GABRA4: variants seen among roughly 807,000 people sequenced by gnomAD.
GABRA4 encodes gamma-aminobutyric acid type A receptor subunit alpha4.
GABRA4 carries 12 observed loss-of-function variants against 49.7 expected under a neutral mutation model. That is an observed-to-expected ratio of 0.24 (90% CI 0.15 to 0.39). GABRA4 has a LOEUF of 0.39. GABRA4 is among the 10% of genes least tolerant of loss of function. The pLI, the probability that GABRA4 is intolerant of heterozygous loss-of-function variation, is 1.00. For missense variants in GABRA4, 506 were observed against 686.0 expected (o/e 0.74, Z 2.93); for synonymous variants, 288 against 240.2 (o/e 1.20, Z -1.84).
chr4:46,985,109 T>C (rs763592752), intron 2 of GABRA4, among the ~76,000 whole-genome samples: 1 of 152,020 alleles, frequency 6.6e-6, no homozygotes, highest in African/African-American at 2.4e-5. Flanking sequence ...TATTGCAATA[T>C]GCAACAATAA....
At chr4:46,933,298 A>G (rs1477966201) in intron 8 of GABRA4, among the ~76,000 whole-genome samples, 1 of 152,172 alleles carries the variant, frequency 6.6e-6, no homozygotes, top group Non-Finnish European at 1.5e-5. Flanking sequence ...CCTTTTTCAA[A>G]TTAGAAAGTG....
At chr4:46,971,646 CA>C (rs1722950819) in intron 6 of GABRA4, among the ~76,000 whole-genome samples, 1 of 151,026 alleles carries the variant, frequency 6.6e-6, no homozygotes, top group Admixed American at 6.6e-5. Context: ...CAGACACTGA[CA>C]CATACACACA....
At chr4:46,950,112 G>A (rs993509026) in intron 8 of GABRA4, among the ~76,000 whole-genome samples, 1 of 152,124 alleles carries the variant, frequency 6.6e-6, no homozygotes, top group Non-Finnish European at 1.5e-5. Context: ...TAAGGCTTTA[G>A]CACAGTGGGT....
rs1020443233 is a variant in GABRA4, at chr4:46,926,383, C to T, written c.*1842G>A. ...TTGGGGGGTTGGGACTGGGTGATTT[C>T]GACAGTATCTTTCAGCCTTAAAATG... On this transcript the variant is annotated 3_prime_UTR_variant, in exon 9 of 9. Coordinates refer to ENST00000264318, the MANE Select transcript of GABRA4 (RefSeq NM_000809.4). The T allele has an allele frequency of 3.3e-5, 5 of 151,698 alleles. No homozygotes were observed. Among genetic ancestry groups the T allele is most frequent in the African/African-American group, 1.2e-4 (5 of 41,330 alleles). 9.4% of individuals were successfully genotyped at this position (151,698 alleles called of 1,614,324 possible). A position where few individuals can be genotyped will look rare whatever the true frequency, so the allele number is the denominator to read the frequency against.
intron 8 of GABRA4, among the ~76,000 whole-genome samples, chr4:46,948,442 G>A (rs1722056578): frequency 6.6e-6 from 1 of 152,126 alleles, no homozygotes; most frequent in Non-Finnish European, 1.5e-5. Flanking sequence ...TAGTAAAACA[G>A]AAGCAAATTA....
At chr4:46,962,850 G>A (rs112280987) in intron 8 of GABRA4, among the ~76,000 whole-genome samples, 1 of 151,708 alleles carries the variant, frequency 6.6e-6, no homozygotes, top group South Asian at 2.1e-4. Flanking sequence ...AGAATATACA[G>A]CTGGAAAAAG....
intron 5 of GABRA4, among the ~76,000 whole-genome samples, chr4:46,975,729 C>A (rs540881935): frequency 3.3e-5 from 5 of 151,798 alleles, no homozygotes; most frequent in African/African-American, 1.2e-4. Flanking sequence ...GGTTGGGATG[C>A]GGGGAGTGAA....
In GABRA4 at chr4:46,924,454, C is replaced by T. The variant is rs193210299; in HGVS notation, c.*3771G>A. ...CTATGCATCTATCATCTCTTCCGGACTGTGACTACCTGCAAGGAAAGGGGC... is the reference window on the plus strand; with the variant it reads ...CTATGCATCTATCATCTCTTCCGGATTGTGACTACCTGCAAGGAAAGGGGC... On this transcript the variant is annotated 3_prime_UTR_variant, in exon 9 of 9. Coordinates refer to ENST00000264318, the MANE Select transcript of GABRA4 (RefSeq NM_000809.4). The T allele has an allele frequency of 6.7e-4, 102 of 152,070 alleles. 1 individual carries two copies. Among genetic ancestry groups the T allele is most frequent in the African/African-American group, 2.3e-3 (95 of 41,524 alleles). The allele number at this position is 152,070 out of a possible 1,614,324, so 9.4% of individuals were successfully genotyped here.
At chr4:46,971,824 G>A (rs893354585) in intron 6 of GABRA4, among the ~76,000 whole-genome samples, 2 of 150,500 alleles carry the variant, frequency 1.3e-5, no homozygotes, top group Non-Finnish European at 3.0e-5. Context: ...TTCTTTATAT[G>A]AAGAAAAATA....
intron 8 of GABRA4, among the ~76,000 whole-genome samples, chr4:46,961,256 G>A (rs1722563353): frequency 6.6e-6 from 1 of 151,818 alleles, no homozygotes; most frequent in African/African-American, 2.4e-5. Context: ...ATAAATTGCA[G>A]GACCCTGACC....
chr4:46,948,561 T>C (rs567052355), intron 8 of GABRA4, among the ~76,000 whole-genome samples: 16 of 152,168 alleles, frequency 1.1e-4, no homozygotes, highest in Admixed American at 5.9e-4. Context: ...TAGCTATTTC[T>C]GAGATGAACA....
rs549886476 is a variant in GABRA4, at chr4:46,979,013, A to C, written c.273+18T>G. ...TCTTCAAGTCTCAAAAGGTACATTA[A>C]ACTTCGAAAATACCTACCATTTCAA... On this transcript the variant is annotated intron_variant, in intron 3 of 8. Coordinates refer to ENST00000264318, the MANE Select transcript of GABRA4 (RefSeq NM_000809.4). 1.3e-6 allele frequency: 2 copies of C among 1,564,856 alleles called. No individual in the cohort carries two copies. Among genetic ancestry groups the C allele is most frequent in the South Asian group, 1.1e-5 (1 of 89,322 alleles).
chr4:46,977,295 A>AGGGAGGGAGGAC, intron 4 of GABRA4, 115 bp downstream of exon 4: 1 of 401,926 alleles, frequency 2.5e-6, no homozygotes, highest in Non-Finnish European at 4.5e-6. Context: ...GGAGGGAGGA[A>AGGGAGGGAGGAC]GGGAGGGAGG....
chr4:46,978,437 C>T (rs1217556609), intron 3 of GABRA4, among the ~76,000 whole-genome samples: 1 of 151,640 alleles, frequency 6.6e-6, no homozygotes, highest in African/African-American at 2.4e-5. Context: ...CCTGTAATCC[C>T]AGCAATTTGG....
intron 2 of GABRA4, among the ~76,000 whole-genome samples, chr4:46,982,434 A>G (rs973340262): frequency 1.3e-4 from 20 of 152,016 alleles, no homozygotes; most frequent in African/African-American, 4.6e-4. Flanking sequence ...GAAGATGGCC[A>G]TCTATAAGCC....
intron 2 of GABRA4, among the ~76,000 whole-genome samples, chr4:46,989,214 T>G (rs1577799464): frequency 6.6e-6 from 1 of 152,124 alleles, no homozygotes; most frequent in African/African-American, 2.4e-5. Context: ...TGACGGCAGG[T>G]TTCCTAAACC....
chr4:46,939,069 C>A (rs1721704710), intron 8 of GABRA4, among the ~76,000 whole-genome samples: 1 of 151,866 alleles, frequency 6.6e-6, no homozygotes. Flanking sequence ...TTTAAATAGG[C>A]AAAAGAGCTC....
intron 2 of GABRA4, among the ~76,000 whole-genome samples, chr4:46,980,697 G>A (rs1403192457): frequency 1.3e-5 from 2 of 152,006 alleles, no homozygotes; most frequent in African/African-American, 4.8e-5. Flanking sequence ...GACAACAACA[G>A]CAAAACATGA....
chr4:46,980,206 C>T (rs577971885), intron 2 of GABRA4, among the ~76,000 whole-genome samples: 2 of 152,096 alleles, frequency 1.3e-5, no homozygotes, highest in East Asian at 1.9e-4. Flanking sequence ...CATTCTAATA[C>T]AACAAAAATA....
Sources: gnomAD v4.1 joint callset for allele counts (sites outside exome capture counted in the v4.1 genomes callset) on GRCh38, gnomAD v4.1.1 for gene constraint, MANE v1.5 for transcripts, NCBI Gene and HGNC (gene_info 2026-07-23, HGNC 2026-07-21) for gene names.